TTC9: variants seen among roughly 807,000 people sequenced by gnomAD.
The protein encoded by TTC9 is tetratricopeptide repeat domain 9, also known as tetratricopeptide repeat protein 9A.
A neutral mutation model predicts 22.9 loss-of-function variants in TTC9; 13 were observed. The observed-to-expected ratio is 0.57, with a 90% CI of 0.37 to 0.90. The LOEUF is 0.90. Among genes scored for constraint, TTC9 ranks in the 40% least tolerant of loss-of-function variants. The probability of loss-of-function intolerance (pLI) is 0.01; values close to 1 mark genes in which losing one functional copy is unlikely to be tolerated. For missense variants in TTC9, 280 were observed against 291.8 expected, an observed-to-expected ratio of 0.96 and a Z score of 0.29; for synonymous variants, 148 against 133.2, an observed-to-expected ratio of 1.11 and a Z score of -0.77.
intron 1 of TTC9, among the ~76,000 whole-genome samples, chr14:70,650,238 A>G (rs928166528): frequency 6.6e-6 from 1 of 152,202 alleles, no homozygotes; most frequent in Admixed American, 6.5e-5. Flanking sequence ...TCTGGCCAAC[A>G]TGGTGAGAAC....
Position 70,642,401 on chromosome 14 carries a change from T to C in TTC9, c.272T>C (p.Leu91Pro). 1 of 1,601,206 alleles carries C rather than the reference T, an allele frequency of 6.2e-7. No individual in the cohort carries two copies. Among genetic ancestry groups the C allele is most frequent in the Non-Finnish European group, 8.5e-7 (1 of 1,174,978 alleles). ...GCGTTGCTGGAGCTGAAGGGGCTGC[T>C]GCCGCCCCCCGGGGAACGGGAGCGG... Reference protein sequence around the residue: ...HRALLELKGLLPPPGERERDS... With the variant: ...HRALLELKGLPPPPGERERDS... The change falls in exon 1 of 3, where the codon CTG (leucine) becomes CCG (proline). Residue 91 changes from leucine to proline, a missense_variant. By Grantham distance (98) the Leu-to-Pro change is moderately conservative. Coordinates refer to ENST00000256367, the MANE Select transcript of TTC9 (RefSeq NM_015351.2).
intron 1 of TTC9, among the ~76,000 whole-genome samples, chr14:70,659,804 T>C (rs1230250277): frequency 3.3e-5 from 5 of 152,114 alleles, no homozygotes. Context: ...GAGGGCAGTG[T>C]GTGTGATGGT....
At chr14:70,652,233 C>A (rs1594736416) in intron 1 of TTC9, among the ~76,000 whole-genome samples, 1 of 152,162 alleles carries the variant, frequency 6.6e-6, no homozygotes, top group African/African-American at 2.4e-5. Context: ...GACAAGCTCT[C>A]TTTTATTCCA....
chr14:70,669,439 C>G (rs140746950), intron 2 of TTC9, among the ~76,000 whole-genome samples: 210 of 152,052 alleles, frequency 1.4e-3, no homozygotes, highest in African/African-American at 5.0e-3. Context: ...ACTACCATGC[C>G]TGGCTAATGT....
At chr14:70,645,202 G>A (rs977950893) in intron 1 of TTC9, among the ~76,000 whole-genome samples, 3 of 152,184 alleles carry the variant, frequency 2.0e-5, no homozygotes, top group African/African-American at 7.2e-5. Context: ...TAAAATCAGT[G>A]ATGACTATTT....
intron 1 of TTC9, among the ~76,000 whole-genome samples, chr14:70,643,798 G>A (rs1408575604): frequency 6.6e-6 from 1 of 152,172 alleles, no homozygotes; most frequent in Non-Finnish European, 1.5e-5. Context: ...TCTCATCTTT[G>A]ATCGGGTAAA....
rs1329491893 is a variant in TTC9, at chr14:70,642,253, G to A, written c.124G>A (p.Gly42Ser). ...CGGCGGCGGAGGAGCCCCAGCGAGG[G>A]GCCAGGTCGGGGCGGCGGCCGAGCC... ...PGGGGGAPAR[G>S]QVGAAAEPAE... Residue 42 changes from glycine to serine, a missense_variant, in exon 1 of 3, where the codon GGC becomes AGC. By Grantham distance (56) the Gly-to-Ser change is moderately conservative. Transcript: ENST00000256367. The A allele has an allele frequency of 4.1e-6, 6 of 1,467,252 alleles. No homozygotes were observed. The East Asian group carries it at 9.0e-5, about 22-fold the overall frequency. 90.9% of individuals were successfully genotyped at this position (1,467,252 alleles called of 1,614,324 possible).
At chr14:70,670,354 T>C (rs77568988) in intron 2 of TTC9, among the ~76,000 whole-genome samples, 16,047 of 152,228 alleles carry the variant, frequency 0.11, 909 homozygotes, top group East Asian at 0.15. Flanking sequence ...AGGTTGGCAT[T>C]CAAAAATGGA....
chr14:70,649,465 T>C (rs1034008136), intron 1 of TTC9, among the ~76,000 whole-genome samples: 1 of 152,210 alleles, frequency 6.6e-6, no homozygotes, highest in Non-Finnish European at 1.5e-5. Context: ...TCATTTGATC[T>C]GTACAACTCT....
At chr14:70,656,448 G>A (rs1218269072) in intron 1 of TTC9, among the ~76,000 whole-genome samples, 1 of 152,190 alleles carries the variant, frequency 6.6e-6, no homozygotes, top group Admixed American at 6.5e-5. Flanking sequence ...AGCATTCTGT[G>A]ATTACAGCAC....
Position 70,659,190 on chromosome 14 carries a change from C to T in TTC9, c.407-8374C>T, listed in dbSNP as rs199912221. 3.3e-5 allele frequency among the ~76,000 whole-genome samples: 5 copies of T among 149,922 alleles called. No individual in the cohort carries two copies. In the East Asian group the frequency reaches 9.8e-4, roughly 30 times the overall value. On this transcript the variant is annotated intron_variant, in intron 1 of 2. Coordinates refer to ENST00000256367, the MANE Select transcript of TTC9 (RefSeq NM_015351.2). ...CTGGGTACAAGTAAAGCTAGGGAAACCTGAATAAGATCTGTGGATTCTATC... is the reference window on the plus strand; with the variant it reads ...CTGGGTACAAGTAAAGCTAGGGAAATCTGAATAAGATCTGTGGATTCTATC...
At chr14:70,663,752 G>A (rs542750965) in intron 1 of TTC9, among the ~76,000 whole-genome samples, 8 of 152,130 alleles carry the variant, frequency 5.3e-5, no homozygotes, top group South Asian at 2.1e-4. Context: ...CCACTGCCCC[G>A]CCCAGTGCCC....
rs899850266 is a variant in TTC9 at position 70,642,243 on chromosome 14, C to T, written c.114C>T (p.Ala38=). The T allele has an allele frequency of 7.2e-7, 1 of 1,394,878 alleles. No homozygotes were observed. The highest frequency in any genetic ancestry group is 9.3e-7 in the Non-Finnish European group (1 of 1,074,632). 86.4% of individuals were successfully genotyped at this position (1,394,878 alleles called of 1,614,324 possible). A position where few individuals can be genotyped will look rare whatever the true frequency, so the allele number is the denominator to read the frequency against. The change falls in exon 1 of 3, where the codon GCC becomes GCT. Residue 38 remains alanine (A), a synonymous_variant. Coordinates refer to ENST00000256367, the MANE Select transcript of TTC9 (RefSeq NM_015351.2). ...PLCVPGGGGG[A]PARGQVGAAA... ...GCGTCCCGGGCGGCGGCGGAGGAGC[C>T]CCAGCGAGGGGCCAGGTCGGGGCGG...
In TTC9 at chr14:70,675,237, T is replaced by C. The variant is rs1267630921; in HGVS notation, c.*4082T>C. On this transcript the variant is annotated 3_prime_UTR_variant, in exon 3 of 3. Transcript: ENST00000256367. Reference sequence around the variant, plus strand: ...TTATTTGATATTGGTATGTTTATTATCAATTTGTAATTTTATTAAGAATAT... The same window carrying C: ...TTATTTGATATTGGTATGTTTATTACCAATTTGTAATTTTATTAAGAATAT... 1 of 152,266 alleles carries C rather than the reference T, an allele frequency of 6.6e-6. No homozygotes were observed. The highest frequency in any genetic ancestry group is 1.9e-4 in the East Asian group (1 of 5,206). The allele number at this position is 152,266 out of a possible 1,614,324, so 9.4% of individuals were successfully genotyped here.
chr14:70,661,698 G>A (rs904531213), intron 1 of TTC9, among the ~76,000 whole-genome samples: 1 of 152,170 alleles, frequency 6.6e-6, no homozygotes, highest in Admixed American at 6.5e-5. Flanking sequence ...CGTGGTTGCT[G>A]GGGGGAACAT....
At position 70,659,664 on chromosome 14, in the gene TTC9, G is replaced by A. The variant is rs141583240; in HGVS notation, c.407-7900G>A. Among the ~76,000 whole-genome samples, 654 of 152,294 alleles carry A rather than the reference G, an allele frequency of 4.3e-3. 7 individuals are homozygous for A. The highest frequency in any genetic ancestry group is 0.014 in the African/African-American group (597 of 41,570). ...AGGAAGTTTCCGGATGAGTATTTAC[G>A]TATAAAGTGAGAACAGTTTAGCACA... On this transcript the variant is annotated intron_variant, in intron 1 of 2. Transcript: ENST00000256367.
At chr14:70,647,768 A>G (rs1885924740) in intron 1 of TTC9, among the ~76,000 whole-genome samples, 1 of 152,208 alleles carries the variant, frequency 6.6e-6, no homozygotes, top group Admixed American at 6.5e-5. Context: ...ACACAAGTTT[A>G]AAGATAAAGT....
At chr14:70,666,408 C>T (rs1281837281) in intron 1 of TTC9, among the ~76,000 whole-genome samples, 1 of 152,114 alleles carries the variant, frequency 6.6e-6, no homozygotes, top group Non-Finnish European at 1.5e-5. Context: ...CACTAGCCTA[C>T]CAGAAAGCCC....
rs148272345 is a variant in TTC9, at chr14:70,671,351, G to A, written c.*196G>A. On this transcript the variant is annotated 3_prime_UTR_variant, in exon 3 of 3. Transcript: ENST00000256367. ...ATGCAAATTTGGAATCTGGTAGGTC[G>A]CCCAGACAATGGAGACATCCTCTCC... is the stretch of plus-strand genomic sequence containing the variant. The A allele has an allele frequency of 3.0e-3, 1,503 of 509,086 alleles. 5 individuals carry two copies. Among genetic ancestry groups the A allele is most frequent in the Non-Finnish European group, 4.2e-3 (1,171 of 280,746 alleles). 31.5% of individuals were successfully genotyped at this position (509,086 alleles called of 1,614,324 possible).
Sources: allele counts gnomAD v4.1 joint callset (sites outside exome capture counted in the v4.1 genomes callset), GRCh38; gene constraint gnomAD v4.1.1; transcripts MANE v1.5; gene names NCBI Gene and HGNC (gene_info 2026-07-23, HGNC 2026-07-21).